VGLL4: variants seen among roughly 807,000 people sequenced by gnomAD.
VGLL4 encodes the protein transcription cofactor vestigial-like protein 4.
In VGLL4, 7 loss-of-function variants were observed where a neutral mutation model predicts 21.0. The observed-to-expected ratio is 0.33, with a 90% CI of 0.19 to 0.63. VGLL4 has a LOEUF of 0.63. VGLL4 is among the 20% of genes least tolerant of loss of function. VGLL4 has a pLI of 0.78. For synonymous variants in VGLL4, 222 were observed against 173.2 expected (o/e 1.28, Z -2.21); for missense variants, 394 against 425.7 (o/e 0.93, Z 0.66).
intron 2 of VGLL4, among the ~76,000 whole-genome samples, chr3:11,585,389 C>T (rs1416202569): frequency 6.6e-6 from 1 of 150,554 alleles, no homozygotes; most frequent in Non-Finnish European, 1.5e-5. Flanking sequence ...ACCGAGATTG[C>T]GCCACTGCAC....
At position 11,570,531 on chromosome 3, in the gene VGLL4, C is replaced by T. The variant is rs147319753; in HGVS notation, c.273-5512G>A. On this transcript the variant is annotated intron_variant, in intron 2 of 4. Coordinates refer to ENST00000430365, the MANE Select transcript of VGLL4 (RefSeq NM_001128219.3). Reference sequence around the variant, plus strand: ...ACGCCCTAATCTCCTTGGCTCCGCACGGGTGACCACATACCAGATGTTCTA... The same window carrying T: ...ACGCCCTAATCTCCTTGGCTCCGCATGGGTGACCACATACCAGATGTTCTA... Among the ~76,000 whole-genome samples, 48 of 152,286 alleles carry T rather than the reference C, an allele frequency of 3.2e-4. 1 individual carries two copies. In the East Asian group the frequency reaches 6.8e-3, roughly 21 times the overall value.
Position 11,624,591 on chromosome 3 carries a change from A to T in VGLL4, c.82+18846T>A, listed in dbSNP as rs113023367. ...TCATTAAGTAACCCTCCCATGCCTC[A>T]GTTTCCCCATATGGAAAATAGCTAT... On this transcript the variant is annotated intron_variant, in intron 1 of 4. Coordinates refer to ENST00000430365, the MANE Select transcript of VGLL4 (RefSeq NM_001128219.3). Among the ~76,000 whole-genome samples the T allele has an allele frequency of 2.7e-3, 413 of 152,186 alleles. 4 individuals carry two copies. The highest frequency in any genetic ancestry group is 9.6e-3 in the African/African-American group (400 of 41,514).
At position 11,719,340 on chromosome 3, in the gene VGLL4, C is replaced by A. The variant is rs1465898668; in HGVS notation, c.-14+1054G>T. 6.6e-6 allele frequency: 1 copy of A among 150,888 alleles called. No homozygotes were observed. Among genetic ancestry groups the A allele is most frequent in the Non-Finnish European group, 1.5e-5 (1 of 68,208 alleles). The allele number at this position is 150,888 out of a possible 1,614,324, so 9.3% of individuals were successfully genotyped here. Reference sequence around the variant, plus strand: ...GGGCATCCCGGTTCTGCTCCGACAGCCCACCCCAAGGCCCCTCTCAGGCCA... The same window carrying A: ...GGGCATCCCGGTTCTGCTCCGACAGACCACCCCAAGGCCCCTCTCAGGCCA... On this transcript the variant is annotated intron_variant, in intron 1 of 5. Transcript: ENST00000273038. The surrounding 1 kb of genome is among the most constrained non-coding windows in gnomAD (Gnocchi z 4.0).
At position 11,557,162 on chromosome 3, in the gene VGLL4, G is replaced by C. The variant is rs1575331209; in HGVS notation, c.*1394C>G. The C allele has an allele frequency of 2.0e-5, 3 of 152,682 alleles. No homozygotes were observed. Among genetic ancestry groups the C allele is most frequent in the Admixed American group, 1.3e-4 (2 of 15,276 alleles). The allele number at this position is 152,682 out of a possible 1,614,324, so 9.5% of individuals were successfully genotyped here. A position where few individuals can be genotyped will look rare whatever the true frequency, so the allele number is the denominator to read the frequency against. On this transcript the variant is annotated 3_prime_UTR_variant, in exon 5 of 5. Transcript: ENST00000430365. Reference sequence around the variant, plus strand: ...ATAGAAACGCTCATTGACCAAAAAGGAGCAGCTGTGACCTCCACAGCTGTG... The same window carrying C: ...ATAGAAACGCTCATTGACCAAAAAGCAGCAGCTGTGACCTCCACAGCTGTG...
chr3:11,607,995 C>T (rs866342566), intron 1 of VGLL4, among the ~76,000 whole-genome samples: 3 of 152,144 alleles, frequency 2.0e-5, no homozygotes, highest in African/African-American at 4.8e-5. Flanking sequence ...TGTATACAGA[C>T]CCTGACCACA....
chr3:11,614,768 G>C (rs1194495022), intron 1 of VGLL4, among the ~76,000 whole-genome samples: 1 of 152,184 alleles, frequency 6.6e-6, no homozygotes, highest in African/African-American at 2.4e-5. Flanking sequence ...TTAGGGACTT[G>C]GGCACGCACA....
intron 1 of VGLL4, among the ~76,000 whole-genome samples, chr3:11,703,529 TTA>T (rs2076713294): frequency 6.6e-6 from 1 of 152,194 alleles, no homozygotes; most frequent in South Asian, 2.1e-4. Context: ...ATAAGAATCT[TTA>T]TGTTAAAACG....
chr3:11,706,170 G>A lies in VGLL4; in HGVS notation c.-13-3123C>T, dbSNP rs184261196. On this transcript the variant is annotated intron_variant, in intron 1 of 5. Transcript: ENST00000273038. ...GACATAAGGTAGACCCAGAATTCTAGCATAGCGGAATATTAGACATTTAAG... is the reference window on the plus strand; with the variant it reads ...GACATAAGGTAGACCCAGAATTCTAACATAGCGGAATATTAGACATTTAAG... Among the ~76,000 whole-genome samples the A allele has an allele frequency of 8.5e-4, 130 of 152,310 alleles. 1 individual carries two copies. Among genetic ancestry groups the A allele is most frequent in the African/African-American group, 3.0e-3 (126 of 41,572 alleles).
At chr3:11,585,059 CTTT>C (rs2074330962) in intron 2 of VGLL4, among the ~76,000 whole-genome samples, 1 of 152,182 alleles carries the variant, frequency 6.6e-6, no homozygotes, top group South Asian at 2.1e-4. Flanking sequence ...CCCAAGAACA[CTTT>C]TTATTATACA....
intron 2 of VGLL4, among the ~76,000 whole-genome samples, chr3:11,595,344 T>A (rs1428286488): frequency 6.6e-6 from 1 of 152,140 alleles, no homozygotes; most frequent in Non-Finnish European, 1.5e-5. Context: ...CAACAGGTGC[T>A]GGAGAGGATG....
intron 1 of VGLL4, among the ~76,000 whole-genome samples, chr3:11,639,149 G>A (rs528757038): frequency 6.6e-6 from 1 of 152,300 alleles, no homozygotes; most frequent in Admixed American, 6.5e-5. Flanking sequence ...TACCAGCAGT[G>A]TAAAGCCCCA....
intron 1 of VGLL4, chr3:11,611,587 AC>A (rs2075063902): frequency 6.6e-6 from 1 of 152,268 alleles, no homozygotes; most frequent in South Asian, 2.1e-4. Flanking sequence ...TGGTTCTGAC[AC>A]CAAAGATGAA....
At chr3:11,718,584 T>G (rs771454004) in intron 1 of VGLL4, among the ~76,000 whole-genome samples, 47 of 151,848 alleles carry the variant, frequency 3.1e-4, no homozygotes, top group Admixed American at 2.6e-4. Context: ...AAACTGACCT[T>G]CAAATCCTAA....
chr3:11,588,695 G>A (rs1444984847), intron 2 of VGLL4, among the ~76,000 whole-genome samples: 2 of 152,242 alleles, frequency 1.3e-5, no homozygotes, highest in East Asian at 1.9e-4. Flanking sequence ...AGGAGGCAAC[G>A]TCCCAGACAA....
chr3:11,613,758 G>A (rs1215969305), intron 1 of VGLL4, among the ~76,000 whole-genome samples: 1 of 152,222 alleles, frequency 6.6e-6, no homozygotes, highest in Non-Finnish European at 1.5e-5. Flanking sequence ...TCCCAGCCCA[G>A]AACAGGCAAT....
At chr3:11,696,714 G>A (rs1009057731) in intron 2 of VGLL4, among the ~76,000 whole-genome samples, 23 of 152,124 alleles carry the variant, frequency 1.5e-4, no homozygotes, top group African/African-American at 5.3e-4. Context: ...TGCAAAGTAA[G>A]GGTAACCATT....
intron 1 of VGLL4, among the ~76,000 whole-genome samples, chr3:11,605,818 T>C (rs1311167658): frequency 2.0e-5 from 3 of 152,092 alleles, no homozygotes; most frequent in Non-Finnish European, 4.4e-5. Context: ...ATGTTAAAGA[T>C]CAAAGATGTT....
At chr3:11,664,019 A>G (rs1223059659) in intron 2 of VGLL4, among the ~76,000 whole-genome samples, 1 of 152,168 alleles carries the variant, frequency 6.6e-6, no homozygotes, top group African/African-American at 2.4e-5. Flanking sequence ...TGGGAGTCCA[A>G]GGCGGGAGGA....
At chr3:11,672,581 C>G (rs192920242) in intron 2 of VGLL4, among the ~76,000 whole-genome samples, 1 of 152,186 alleles carries the variant, frequency 6.6e-6, no homozygotes, top group Non-Finnish European at 1.5e-5. Flanking sequence ...TAATGACATA[C>G]TCATCCTGAG....
Sources: gnomAD v4.1 joint callset for allele counts (sites outside exome capture counted in the v4.1 genomes callset) on GRCh38, gnomAD v4.1.1 for gene constraint, Gnocchi (gnomAD v3.1) non-coding constraint, MANE v1.5 for transcripts, NCBI Gene and HGNC (gene_info 2026-07-23, HGNC 2026-07-21) for gene names.